Variants in SEMA6D observed in about 807,000 individuals in gnomAD.
SEMA6D encodes semaphorin 6D.
A neutral mutation model predicts 106.6 loss-of-function variants in SEMA6D; 35 were observed. The ratio of observed to expected loss-of-function variants is 0.33; its 90% CI spans 0.25 to 0.44. The LOEUF (loss-of-function observed/expected upper bound fraction) is 0.44. Ranked by LOEUF, SEMA6D falls within the 20% of genes least tolerant of loss-of-function variation. The pLI is 1.00. For missense variants in SEMA6D, 1,185 were observed against 1,345.9 expected, an observed-to-expected ratio of 0.88 and a Z score of 1.87; for synonymous variants, 499 against 487.7, an observed-to-expected ratio of 1.02 and a Z score of -0.31.
chr15:47,271,100 C>CA (rs1423127132), intron 1 of SEMA6D, among the ~76,000 whole-genome samples: 1 of 152,182 alleles, frequency 6.6e-6, no homozygotes, highest in Non-Finnish European at 1.5e-5. Context: ...ATGAAATACA[C>CA]AAACCGGAAT....
intron 1 of SEMA6D, among the ~76,000 whole-genome samples, chr15:47,315,066 C>T (rs567625490): frequency 6.6e-6 from 1 of 151,462 alleles, no homozygotes; most frequent in Non-Finnish European, 1.5e-5. Context: ...CGGGGTTTCA[C>T]CGTGTTAGCC....
At chr15:47,355,220 CAG>C (rs1211150640) in intron 1 of SEMA6D, among the ~76,000 whole-genome samples, 1 of 152,098 alleles carries the variant, frequency 6.6e-6, no homozygotes, top group Non-Finnish European at 1.5e-5. Flanking sequence ...ATTCCAAAAA[CAG>C]AATTCTCTAT....
chr15:47,364,552 C>T (rs1346773972), intron 1 of SEMA6D, among the ~76,000 whole-genome samples: 4 of 152,158 alleles, frequency 2.6e-5, no homozygotes. Flanking sequence ...GAATTTCGTA[C>T]AGTAGCTGTG....
chr15:47,418,443 T>C (rs1177886358), intron 2 of SEMA6D, among the ~76,000 whole-genome samples: 1 of 152,070 alleles, frequency 6.6e-6, no homozygotes, highest in Non-Finnish European at 1.5e-5. Context: ...GCAAATTCAG[T>C]GTCTGGTGAG....
intron 4 of SEMA6D, among the ~76,000 whole-genome samples, chr15:47,601,225 T>C (rs1456220042): frequency 1.3e-5 from 2 of 152,144 alleles, no homozygotes; most frequent in African/African-American, 2.4e-5. Context: ...AAGATTTCTT[T>C]GTGAGCAGCT....
intron 4 of SEMA6D, among the ~76,000 whole-genome samples, chr15:47,703,890 T>A (rs1397250749): frequency 6.6e-6 from 1 of 152,204 alleles, no homozygotes; most frequent in East Asian, 1.9e-4. Context: ...GATTAAGTTG[T>A]CTGCTAATAA....
At chr15:47,484,541 T>A (rs2043241813) in intron 3 of SEMA6D, among the ~76,000 whole-genome samples, 1 of 152,200 alleles carries the variant, frequency 6.6e-6, no homozygotes, top group South Asian at 2.1e-4. Context: ...AGAATCCTAT[T>A]GTTTATTTTA....
intron 1 of SEMA6D, among the ~76,000 whole-genome samples, chr15:47,347,317 C>T (rs2038086661): frequency 6.6e-6 from 1 of 152,222 alleles, no homozygotes; most frequent in Non-Finnish European, 1.5e-5. Context: ...ACCTCACATA[C>T]TTGATACTTC....
At chr15:47,274,859 A>T (rs1396908347) in intron 1 of SEMA6D, 1 of 152,108 alleles carries the variant, frequency 6.6e-6, no homozygotes, top group Non-Finnish European at 1.5e-5. Context: ...CAGCAGGTGA[A>T]TTTGTCTATG....
intron 1 of SEMA6D, among the ~76,000 whole-genome samples, chr15:47,320,532 C>G (rs1013212785): frequency 1.3e-5 from 2 of 152,232 alleles, no homozygotes; most frequent in Admixed American, 1.3e-4. Context: ...TCATCTTGCC[C>G]TGGTCCTGTT....
chr15:47,464,976 T>C (rs2042616446), intron 2 of SEMA6D, among the ~76,000 whole-genome samples: 1 of 152,236 alleles, frequency 6.6e-6, no homozygotes, highest in African/African-American at 2.4e-5. Context: ...TATGTATGAA[T>C]CCCAGTGATA....
chr15:47,528,933 T>G (rs2044853521), intron 3 of SEMA6D, among the ~76,000 whole-genome samples: 1 of 152,188 alleles, frequency 6.6e-6, no homozygotes, highest in South Asian at 2.1e-4. Context: ...CATAAATAGT[T>G]GCTTAACGCA....
chr15:47,494,800 T>TACACACACAC (rs71432245), intron 3 of SEMA6D, among the ~76,000 whole-genome samples: 4 of 96,428 alleles, frequency 4.1e-5, no homozygotes, highest in African/African-American at 1.4e-4. Context: ...AATCTCCAGA[T>TACACACACAC]ACACACACAC....
intron 4 of SEMA6D, among the ~76,000 whole-genome samples, chr15:47,607,802 G>A (rs1484491773): frequency 6.6e-6 from 1 of 152,188 alleles, no homozygotes; most frequent in Non-Finnish European, 1.5e-5. Flanking sequence ...GGGTACACTG[G>A]CCTTTCTTTA....
chr15:47,574,519 G>T (rs971463815), intron 3 of SEMA6D, among the ~76,000 whole-genome samples: 2 of 152,042 alleles, frequency 1.3e-5, no homozygotes, highest in Admixed American at 1.3e-4. Context: ...CCCTTTCAAG[G>T]CTAGAGAACC....
chr15:47,517,088 G>A (rs182316368), intron 3 of SEMA6D, among the ~76,000 whole-genome samples: 10 of 152,094 alleles, frequency 6.6e-5, no homozygotes, highest in East Asian at 1.9e-4. Flanking sequence ...GTAATACCTC[G>A]GACAGTAGTG....
chr15:47,316,534 A>AT (rs1366048031), intron 1 of SEMA6D, among the ~76,000 whole-genome samples: 1 of 148,258 alleles, frequency 6.7e-6, no homozygotes, highest in African/African-American at 2.5e-5. Context: ...TAGCTGTAGG[A>AT]TTTTTTTGGG....
chr15:47,595,405 TGC>T (rs2076515226), intron 3 of SEMA6D, among the ~76,000 whole-genome samples: 1 of 152,248 alleles, frequency 6.6e-6, no homozygotes, highest in Non-Finnish European at 1.5e-5. Flanking sequence ...GAACCATCGT[TGC>T]ATCCCTGGGA....
chr15:47,667,161 A>G (rs1285583118), intron 4 of SEMA6D, among the ~76,000 whole-genome samples: 3 of 152,146 alleles, frequency 2.0e-5, no homozygotes, highest in Non-Finnish European at 4.4e-5. Flanking sequence ...CAAATTCCTG[A>G]CCTACAGAAT....
Sources: allele counts gnomAD v4.1 joint callset (sites outside exome capture counted in the v4.1 genomes callset), GRCh38; gene constraint gnomAD v4.1.1; transcripts MANE v1.5; gene names NCBI Gene and HGNC (gene_info 2026-07-23, HGNC 2026-07-21).